Variants in CCDC91 observed in about 807,000 individuals in gnomAD.
CCDC91 encodes the protein coiled-coil domain containing 91.
A neutral mutation model predicts 63.2 loss-of-function variants in CCDC91; 48 were observed. The ratio of observed to expected loss-of-function variants is 0.76; its 90% CI spans 0.60 to 0.97. CCDC91 has a LOEUF of 0.97. Among genes scored for constraint, CCDC91 ranks in the 50% least tolerant of loss-of-function variants. CCDC91 has a pLI of 0.00. For missense variants in CCDC91, 500 were observed against 494.6 expected (o/e 1.01, Z -0.10); for synonymous variants, 167 against 165.8 (o/e 1.01, Z -0.06).
chr12:28,518,936 T>C (rs548277839), intron 12 of CCDC91, among the ~76,000 whole-genome samples: 1 of 152,140 alleles, frequency 6.6e-6, no homozygotes, highest in East Asian at 1.9e-4. Context: ...ATATTTTTGT[T>C]TGCTTTGTCG....
chr12:28,475,539 T>A (rs1210497661), intron 11 of CCDC91, among the ~76,000 whole-genome samples: 2 of 152,092 alleles, frequency 1.3e-5, no homozygotes, highest in Non-Finnish European at 2.9e-5. Flanking sequence ...AACTTTGGCC[T>A]TGATTGAGAA....
At chr12:28,317,856 A>G (rs1940062979) in intron 6 of CCDC91, among the ~76,000 whole-genome samples, 2 of 151,870 alleles carry the variant, frequency 1.3e-5, no homozygotes, top group Non-Finnish European at 2.9e-5. Context: ...ATTTGCAGAT[A>G]CTGATTACCA....
chr12:28,468,704 A>C (rs1950660844), intron 11 of CCDC91, among the ~76,000 whole-genome samples: 1 of 152,070 alleles, frequency 6.6e-6, no homozygotes, highest in Non-Finnish European at 1.5e-5. Flanking sequence ...AATATTAGCA[A>C]ACCAAATTCA....
intron 12 of CCDC91, among the ~76,000 whole-genome samples, chr12:28,525,506 T>C (rs942347898): frequency 4.6e-5 from 7 of 152,160 alleles, no homozygotes; most frequent in Admixed American, 3.3e-4. Flanking sequence ...TTGAGGCTTG[T>C]TTTGTGGCCT....
chr12:28,290,986 G>A (rs995169), intron 3 of CCDC91, among the ~76,000 whole-genome samples: 148,262 of 152,276 alleles, frequency 0.97, 72,297 homozygotes, highest in East Asian at 1. Context: ...CCTCACCACC[G>A]TATCCTTGTT....
intron 1 of CCDC91, among the ~76,000 whole-genome samples, chr12:28,220,904 G>T (rs1466534355): frequency 6.6e-6 from 1 of 151,862 alleles, no homozygotes; most frequent in Non-Finnish European, 1.5e-5. Context: ...ATTATGATGC[G>T]CATTAGTATG....
chr12:28,294,387 TC>T (rs976650214), intron 3 of CCDC91, among the ~76,000 whole-genome samples: 1 of 151,976 alleles, frequency 6.6e-6, no homozygotes, highest in Non-Finnish European at 1.5e-5. Context: ...TGGAGGTGGT[TC>T]CCCCCGCATG....
chr12:28,401,674 C>A (rs183242931), intron 8 of CCDC91, among the ~76,000 whole-genome samples: 4 of 152,246 alleles, frequency 2.6e-5, no homozygotes, highest in Admixed American at 2.6e-4. Flanking sequence ...TCCACCTGGT[C>A]CTGCCTTTGA....
At chr12:28,401,774 T>C (rs1946635436) in intron 8 of CCDC91, among the ~76,000 whole-genome samples, 1 of 152,226 alleles carries the variant, frequency 6.6e-6, no homozygotes, top group Non-Finnish European at 1.5e-5. Context: ...AGATTGTGTT[T>C]TTAATGTTGT....
intron 12 of CCDC91, among the ~76,000 whole-genome samples, chr12:28,515,882 C>A (rs897753008): frequency 6.6e-6 from 1 of 151,850 alleles, no homozygotes; most frequent in African/African-American, 2.4e-5. Flanking sequence ...CCCTCACCTC[C>A]CCATCCACTC....
At chr12:28,259,465 GTTTTTT>G in intron 3 of CCDC91, 23 bp downstream of exon 3, 2 of 1,145,014 alleles carry the variant, frequency 1.7e-6, no homozygotes, top group Non-Finnish European at 1.2e-6. Flanking sequence ...AGGAATTAGG[GTTTTTT>G]TTTTTTTTTT....
At chr12:28,360,829 A>C (rs890752175) in intron 6 of CCDC91, among the ~76,000 whole-genome samples, 1 of 151,996 alleles carries the variant, frequency 6.6e-6, no homozygotes, top group Non-Finnish European at 1.5e-5. Context: ...TTTTTCTTAA[A>C]TATTTCTTAA....
intron 8 of CCDC91, among the ~76,000 whole-genome samples, chr12:28,445,882 A>T (rs571647984): frequency 4.4e-4 from 67 of 152,210 alleles, no homozygotes; most frequent in African/African-American, 1.6e-3. Flanking sequence ...CCCATCTCCA[A>T]CTGCTATCAC....
At chr12:28,352,102 T>G (rs564680295) in intron 6 of CCDC91, among the ~76,000 whole-genome samples, 1 of 152,340 alleles carries the variant, frequency 6.6e-6, no homozygotes, top group East Asian at 1.9e-4. Flanking sequence ...GATTATTGTA[T>G]GTAATACCAT....
At chr12:28,203,940 A>C (rs779554939) in intron 1 of CCDC91, among the ~76,000 whole-genome samples, 7 of 152,172 alleles carry the variant, frequency 4.6e-5, no homozygotes, top group Non-Finnish European at 1.0e-4. Flanking sequence ...TGGAGAAATT[A>C]GATTTTCTGG....
intron 8 of CCDC91, among the ~76,000 whole-genome samples, chr12:28,401,329 G>A (rs1293619806): frequency 6.6e-6 from 1 of 152,120 alleles, no homozygotes; most frequent in Admixed American, 6.5e-5. Flanking sequence ...AGTGGGAAAA[G>A]CCCCTTATAA....
chr12:28,483,010 C>G (rs1951529417), intron 11 of CCDC91, among the ~76,000 whole-genome samples: 1 of 151,886 alleles, frequency 6.6e-6, no homozygotes, highest in Admixed American at 6.6e-5. Context: ...ATAGTATGTA[C>G]AGTTTATCCC....
chr12:28,426,915 C>A (rs1948349831), intron 8 of CCDC91, among the ~76,000 whole-genome samples: 1 of 152,066 alleles, frequency 6.6e-6, no homozygotes, highest in Non-Finnish European at 1.5e-5. Context: ...TTTTGTGGGA[C>A]TTTTAATGTA....
chr12:28,292,619 C>CT (rs1949320498), intron 3 of CCDC91, among the ~76,000 whole-genome samples: 1 of 150,494 alleles, frequency 6.6e-6, no homozygotes, highest in East Asian at 1.9e-4. Flanking sequence ...GGTGTGATGA[C>CT]TAAGTTTTTT....
Sources: gnomAD v4.1 joint callset for allele counts (sites outside exome capture counted in the v4.1 genomes callset) on GRCh38, gnomAD v4.1.1 for gene constraint, MANE v1.5 for transcripts, NCBI Gene and HGNC (gene_info 2026-07-23, HGNC 2026-07-21) for gene names.